CNTNAP2: variants seen among roughly 807,000 people sequenced by gnomAD.
CNTNAP2 encodes contactin-associated protein-like 2.
In CNTNAP2, 98 loss-of-function variants were observed where a neutral mutation model predicts 155.2. The ratio of observed to expected loss-of-function variants is 0.63; its 90% CI spans 0.54 to 0.75. The LOEUF (loss-of-function observed/expected upper bound fraction) is 0.75. CNTNAP2 is among the 30% of genes least tolerant of loss of function. The pLI is 0.00. For synonymous variants in CNTNAP2, 651 were observed against 631.2 expected (o/e 1.03, Z -0.47); for missense variants, 1,727 against 1,688.1 (o/e 1.02, Z -0.40).
At chr7:148,383,058 T>C (rs1279367421) in intron 21 of CNTNAP2, among the ~76,000 whole-genome samples, 3 of 152,156 alleles carry the variant, frequency 2.0e-5, no homozygotes. Flanking sequence ...ATTGATTGGG[T>C]TGGGAAAGTT....
rs189450046 is a variant in CNTNAP2 at position 148,025,392 on chromosome 7, C to A, written c.2383+47403C>A. 2.6e-3 allele frequency among the ~76,000 whole-genome samples: 393 copies of A among 152,262 alleles called. 1 individual carries two copies. The highest frequency in any genetic ancestry group is 9.1e-3 in the African/African-American group (379 of 41,546). On this transcript the variant is annotated intron_variant, in intron 15 of 23. Coordinates refer to ENST00000361727, the MANE Select transcript of CNTNAP2 (RefSeq NM_014141.6). ...ATTTTGGACATTCCTATGATTTAAT[C>A]CCCAGTCAATCTGCAGCACCCATTC...
intron 12 of CNTNAP2, among the ~76,000 whole-genome samples, chr7:147,636,940 T>C (rs1035853353): frequency 6.6e-6 from 1 of 151,674 alleles, no homozygotes; most frequent in Non-Finnish European, 1.5e-5. Context: ...GTCCTGAGGG[T>C]GCCGAGGAAA....
chr7:146,246,215 T>C (rs540808798), intron 1 of CNTNAP2, among the ~76,000 whole-genome samples: 1 of 150,840 alleles, frequency 6.6e-6, no homozygotes, highest in Non-Finnish European at 1.5e-5. Context: ...AGTAGAAGTA[T>C]CTTATACTTG....
At chr7:146,155,027 G>T (rs1798104451) in intron 1 of CNTNAP2, among the ~76,000 whole-genome samples, 1 of 152,168 alleles carries the variant, frequency 6.6e-6, no homozygotes, top group African/African-American at 2.4e-5. Context: ...ACCACACATA[G>T]ATATAAACTC....
rs543921776 is a variant in CNTNAP2 at position 146,463,198 on chromosome 7, T to C, written c.98-311073T>C. On this transcript the variant is annotated intron_variant, in intron 1 of 23. Transcript: ENST00000361727. ...TGAATACAAGAAGAGAACTGTTATC[T>C]TGCTCAATTCTTCCTGTCTCTGATA... is the stretch of plus-strand genomic sequence containing the variant. Among the ~76,000 whole-genome samples, 14 of 152,286 alleles carry C rather than the reference T, an allele frequency of 9.2e-5. No individual in the cohort carries two copies. The East Asian group carries it at 2.7e-3, about 29-fold the overall frequency.
At chr7:147,033,970 C>T (rs913100475) in intron 3 of CNTNAP2, among the ~76,000 whole-genome samples, 5 of 152,034 alleles carry the variant, frequency 3.3e-5, no homozygotes, top group African/African-American at 4.8e-5. Context: ...AACGGCTGCT[C>T]CATAGACAGA....
chr7:146,665,574 G>A (rs941066724), intron 1 of CNTNAP2, among the ~76,000 whole-genome samples: 4 of 151,464 alleles, frequency 2.6e-5, no homozygotes, highest in African/African-American at 9.7e-5. Flanking sequence ...CTGAGGTCTG[G>A]AGTTCAGGAC....
At chr7:148,338,980 T>C (rs1798173211) in intron 21 of CNTNAP2, among the ~76,000 whole-genome samples, 1 of 152,088 alleles carries the variant, frequency 6.6e-6, no homozygotes. Context: ...ACATTATATT[T>C]TTTCCCAGAT....
At chr7:146,553,117 T>G (rs1798145710) in intron 1 of CNTNAP2, among the ~76,000 whole-genome samples, 1 of 152,184 alleles carries the variant, frequency 6.6e-6, no homozygotes, top group Admixed American at 6.6e-5. Flanking sequence ...CTGTTCACTG[T>G]TATATCCCCT....
Position 148,118,352 on chromosome 7 carries a change from C to A in CNTNAP2, c.2554+64C>A, listed in dbSNP as rs1359014595. 3 of 1,565,700 alleles carry A rather than the reference C, an allele frequency of 1.9e-6. No individual in the cohort carries two copies. The African/African-American group carries it at 4.1e-5, about 21-fold the overall frequency. ...TTCGTCACCTCAGGGTGGTCCGGGT[C>A]CTGATTGTGGAAGGCCTTTTGATTC... On this transcript the variant is annotated intron_variant, in intron 16 of 23. Coordinates refer to ENST00000361727, the MANE Select transcript of CNTNAP2 (RefSeq NM_014141.6).
At chr7:146,289,935 C>T (rs116452711) in intron 1 of CNTNAP2, among the ~76,000 whole-genome samples, 5,720 of 152,112 alleles carry the variant, frequency 0.038, 171 homozygotes, top group African/African-American at 0.078. Flanking sequence ...CCACTTTTCT[C>T]TTATGCTTGG....
intron 21 of CNTNAP2, among the ~76,000 whole-genome samples, chr7:148,331,155 T>C (rs1052498323): frequency 2.9e-5 from 4 of 138,540 alleles, no homozygotes; most frequent in African/African-American, 1.2e-4. Context: ...AGTGGACAGA[T>C]GGAATGGACG....
intron 3 of CNTNAP2, among the ~76,000 whole-genome samples, chr7:147,016,920 A>G (rs576848677): frequency 9.9e-5 from 15 of 152,126 alleles, no homozygotes; most frequent in Non-Finnish European, 1.8e-4. Context: ...TGTCCGGCCA[A>G]TGGACACTCT....
intron 1 of CNTNAP2, among the ~76,000 whole-genome samples, chr7:146,413,558 G>A (rs751890624): frequency 6.6e-6 from 1 of 152,192 alleles, no homozygotes; most frequent in Admixed American, 6.5e-5. Flanking sequence ...TTACACATCT[G>A]ATCTGATTTC....
intron 1 of CNTNAP2, among the ~76,000 whole-genome samples, chr7:146,441,834 T>C (rs1443130064): frequency 6.6e-6 from 1 of 151,534 alleles, no homozygotes; most frequent in African/African-American, 2.4e-5. Context: ...CATTATTGTC[T>C]CTTTCCCAAG....
At chr7:147,134,900 A>G (rs1430688693) in intron 8 of CNTNAP2, among the ~76,000 whole-genome samples, 2 of 151,906 alleles carry the variant, frequency 1.3e-5, no homozygotes, top group East Asian at 1.9e-4. Flanking sequence ...GAAAATGCAG[A>G]AAATCTAGAA....
At chr7:146,638,493 T>TTC (rs1799645712) in intron 1 of CNTNAP2, among the ~76,000 whole-genome samples, 4 of 120,086 alleles carry the variant, frequency 3.3e-5, no homozygotes, top group African/African-American at 6.4e-5. Context: ...TTTTTTTTTT[T>TTC]TTTTTCTTTG....
At chr7:147,876,027 C>G (rs1799414461) in intron 13 of CNTNAP2, among the ~76,000 whole-genome samples, 1 of 152,174 alleles carries the variant, frequency 6.6e-6, no homozygotes, top group South Asian at 2.1e-4. Flanking sequence ...CACTGCAGAA[C>G]TGAAAATTAT....
At chr7:146,347,129 C>A (rs1584881138) in intron 1 of CNTNAP2, among the ~76,000 whole-genome samples, 2 of 120,326 alleles carry the variant, frequency 1.7e-5, no homozygotes, top group Non-Finnish European at 1.6e-5. Context: ...GTTAGGAATC[C>A]ATACTCTGTA....
Sources: gnomAD v4.1 joint callset for allele counts (sites outside exome capture counted in the v4.1 genomes callset) on GRCh38, gnomAD v4.1.1 for gene constraint, MANE v1.5 for transcripts, NCBI Gene and HGNC (gene_info 2026-07-23, HGNC 2026-07-21) for gene names.